Variants in SAMD12 observed in about 807,000 individuals in gnomAD.
SAMD12 encodes the protein sterile alpha motif domain containing 12, also known as sterile alpha motif domain-containing protein 12.
In SAMD12, 9 loss-of-function variants were observed where a neutral mutation model predicts 15.0. That is an observed-to-expected ratio of 0.60 (90% CI 0.36 to 1.05). SAMD12 has a LOEUF of 1.05. SAMD12 is among the 50% of genes least tolerant of loss of function. SAMD12 has a pLI of 0.01. For synonymous variants in SAMD12, 86 were observed against 90.1 expected (o/e 0.96, Z 0.25); for missense variants, 230 against 234.2 (o/e 0.98, Z 0.12).
downstream of SAMD12, among the ~76,000 whole-genome samples, chr8:118,184,828 C>A (rs915053059): frequency 6.6e-6 from 1 of 152,144 alleles, no homozygotes; most frequent in African/African-American, 2.4e-5. Flanking sequence ...TGAATTCACC[C>A]TCTCTCTAAT....
At chr8:118,522,183 C>T (rs58825182) in intron 2 of SAMD12, among the ~76,000 whole-genome samples, 67,227 of 143,126 alleles carry the variant, frequency 0.47, 15,368 homozygotes, top group African/African-American at 0.54. Context: ...CACACATACA[C>T]ACACACACAC....
intron 2 of SAMD12, among the ~76,000 whole-genome samples, chr8:118,528,965 C>T (rs13278633): frequency 0.37 from 55,770 of 151,998 alleles, 10,744 homozygotes; most frequent in Admixed American, 0.44. Flanking sequence ...AGAAAAAAGA[C>T]AAGAGGAAGA....
At chr8:118,565,190 C>T (rs984715476) in intron 2 of SAMD12, among the ~76,000 whole-genome samples, 2 of 152,182 alleles carry the variant, frequency 1.3e-5, no homozygotes, top group Non-Finnish European at 2.9e-5. Context: ...CAGCTCATCC[C>T]AGTAGCCCTA....
At chr8:118,449,554 G>C (rs954106432) in intron 2 of SAMD12, among the ~76,000 whole-genome samples, 1 of 150,668 alleles carries the variant, frequency 6.6e-6, no homozygotes, top group Admixed American at 6.6e-5. Context: ...GCTCACACCT[G>C]TAATCCCAGC....
At chr8:118,179,542 G>C in the SAMD12 span, among the ~76,000 whole-genome samples, 3 of 152,156 alleles carry the variant, frequency 2.0e-5, no homozygotes, top group Non-Finnish European at 4.4e-5. Flanking sequence ...AGATGCAGAG[G>C]AGTTAAGAAA....
intron 4 of SAMD12, among the ~76,000 whole-genome samples, chr8:118,203,921 T>A (rs939497496): frequency 6.6e-6 from 1 of 151,950 alleles, no homozygotes; most frequent in Admixed American, 6.6e-5. Flanking sequence ...TCATCCTTTT[T>A]TTTTTGTTTG....
In SAMD12 at chr8:118,490,935, GAA is replaced by G. The variant is rs10713600; in HGVS notation, c.193-50976_193-50975del. 2.2e-3 allele frequency among the ~76,000 whole-genome samples: 322 copies of G among 147,528 alleles called. 1 individual carries two copies. The highest frequency in any genetic ancestry group is 3.5e-3 in the Middle Eastern group (1 of 284). The stretch of plus-strand genomic sequence containing the variant: ...AATTTTATTACAATTAAAGAAGTGG[GAA>G]AAAAAAAAAAGAACCCTGATGGAAT... On this transcript the variant is annotated intron_variant, in intron 2 of 3. Coordinates refer to ENST00000314727, the MANE Select transcript of SAMD12 (RefSeq NM_207506.3).
At chr8:118,262,711 G>A (rs1165529536) in intron 4 of SAMD12, among the ~76,000 whole-genome samples, 2 of 152,168 alleles carry the variant, frequency 1.3e-5, no homozygotes, top group Admixed American at 6.6e-5. Flanking sequence ...TTCTCCTTAT[G>A]TCTTCCTGGG....
the SAMD12 span, among the ~76,000 whole-genome samples, chr8:118,162,424 G>A: frequency 9.2e-5 from 14 of 151,752 alleles, 1 homozygote; most frequent in South Asian, 6.3e-4. Flanking sequence ...AAGATGACAA[G>A]AGACTGTCAA....
chr8:118,166,479 C>T, the SAMD12 span, among the ~76,000 whole-genome samples: 1 of 152,034 alleles, frequency 6.6e-6, no homozygotes, highest in Non-Finnish European at 1.5e-5. Context: ...ATTTTTATAT[C>T]GCTTCATGTT....
chr8:118,539,704 T>C (rs1825938738), intron 2 of SAMD12, among the ~76,000 whole-genome samples: 1 of 152,084 alleles, frequency 6.6e-6, no homozygotes, highest in Admixed American at 6.6e-5. Flanking sequence ...GAATTTAGAG[T>C]TGGGCATGAG....
chr8:118,341,552 C>G (rs2630098), intron 4 of SAMD12, among the ~76,000 whole-genome samples: 1 of 152,282 alleles, frequency 6.6e-6, no homozygotes, highest in South Asian at 2.1e-4. Context: ...TCTCATGGTT[C>G]TAGAGGCTGA....
At chr8:118,440,961 C>G (rs1020649974) in intron 2 of SAMD12, among the ~76,000 whole-genome samples, 12 of 152,042 alleles carry the variant, frequency 7.9e-5, no homozygotes, top group Admixed American at 3.3e-4. Flanking sequence ...TTGAAGGCTC[C>G]TGGGTGGTAC....
At chr8:118,447,572 G>T in intron 2 of SAMD12, among the ~76,000 whole-genome samples, 1 of 151,774 alleles carries the variant, frequency 6.6e-6, no homozygotes, top group Non-Finnish European at 1.5e-5. Flanking sequence ...CAAAGTGCTG[G>T]GATTACAGGC....
intron 4 of SAMD12, among the ~76,000 whole-genome samples, chr8:118,279,435 T>C (rs1421846785): frequency 6.6e-6 from 1 of 152,238 alleles, no homozygotes; most frequent in Non-Finnish European, 1.5e-5. Flanking sequence ...TGGGTGTCTT[T>C]TAATATGAGG....
At chr8:118,444,955 T>C (rs1822867014) in intron 2 of SAMD12, among the ~76,000 whole-genome samples, 1 of 152,204 alleles carries the variant, frequency 6.6e-6, no homozygotes, top group Non-Finnish European at 1.5e-5. Flanking sequence ...ACTGTTTACA[T>C]TCATTGGCAG....
exon 5 of SAMD12, chr8:118,195,868 A>T (rs906457717): frequency 2.0e-5 from 3 of 152,440 alleles, no homozygotes; most frequent in Admixed American, 1.3e-4. Flanking sequence ...ACCACATGAG[A>T]TGGGCAGTGG....
chr8:118,485,784 A>T (rs917384524), intron 2 of SAMD12, among the ~76,000 whole-genome samples: 15 of 152,324 alleles, frequency 9.8e-5, no homozygotes, highest in African/African-American at 2.9e-4. Flanking sequence ...AATCATTACA[A>T]TTACTCAATA....
the SAMD12 span, among the ~76,000 whole-genome samples, chr8:118,181,927 G>C: frequency 3.3e-5 from 5 of 152,204 alleles, no homozygotes; most frequent in African/African-American, 1.2e-4. Context: ...CATGAGCACA[G>C]TATTTTGCTT....
Sources: gnomAD v4.1 joint callset for allele counts (sites outside exome capture counted in the v4.1 genomes callset) on GRCh38, gnomAD v4.1.1 for gene constraint, MANE v1.5 for transcripts, NCBI Gene and HGNC (gene_info 2026-07-23, HGNC 2026-07-21) for gene names.